Variants in MAD1L1 observed in about 807,000 individuals in gnomAD.
The protein encoded by MAD1L1 is mitotic arrest deficient 1 like 1.
Under a neutral mutation model 96.9 loss-of-function variants are expected in MAD1L1, and 95 were observed. The observed-to-expected ratio is 0.98, with a 90% CI of 0.83 to 1.16. The LOEUF (loss-of-function observed/expected upper bound fraction) is 1.16. Ranked by LOEUF, MAD1L1 falls within the 50% of genes most tolerant of loss-of-function variation. MAD1L1 has a pLI of 0.00. For synonymous variants in MAD1L1, 473 were observed against 396.6 expected (o/e 1.19, Z -2.29); for missense variants, 1,007 against 954.4 (o/e 1.06, Z -0.73).
intron 7 of MAD1L1, among the ~76,000 whole-genome samples, chr7:2,216,696 G>A (rs1033457239): frequency 6.6e-6 from 1 of 152,090 alleles, no homozygotes; most frequent in African/African-American, 2.4e-5. Flanking sequence ...GTGTAGGAGC[G>A]GGCGCAGGGG....
intron 18 of MAD1L1, chr7:1,854,237 G>T: frequency 2.9e-6 from 1 of 348,842 alleles, no homozygotes; most frequent in Non-Finnish European, 5.7e-6. Flanking sequence ...CATGGCCCCG[G>T]TGCCTCGGTG....
rs532785551 is a variant in MAD1L1 at position 2,124,950 on chromosome 7, A to G, written c.1073+24202T>C. ...GCCTTCCAGCCCCAGGGCAGGAGAC[A>G]CCAGTGAGCACGGAGGACACACATG... On this transcript the variant is annotated intron_variant, in intron 11 of 18. Coordinates refer to ENST00000265854, the MANE Select transcript of MAD1L1 (RefSeq NM_001013836.2). Among the ~76,000 whole-genome samples, 402 of 152,274 alleles carry G rather than the reference A, an allele frequency of 2.6e-3. 2 individuals are homozygous for G. Among genetic ancestry groups the G allele is most frequent in the Non-Finnish European group, 1.8e-3 (120 of 68,012 alleles).
At chr7:2,226,904 T>C (rs1793930018) in intron 3 of MAD1L1, among the ~76,000 whole-genome samples, 1 of 151,856 alleles carries the variant, frequency 6.6e-6, no homozygotes, top group African/African-American at 2.4e-5. Flanking sequence ...GGAGAATCGC[T>C]TGAACCCAGG....
intron 14 of MAD1L1, among the ~76,000 whole-genome samples, chr7:1,988,164 A>T (rs1781246072): frequency 6.6e-6 from 1 of 152,230 alleles, no homozygotes; most frequent in Non-Finnish European, 1.5e-5. Flanking sequence ...GGGATCCAGG[A>T]AGAGGGCGCT....
intron 7 of MAD1L1, 130 bp downstream of exon 7, chr7:2,217,820 GCACAGTGCCCAA>G (rs1465893060): frequency 1.3e-5 from 9 of 711,428 alleles, no homozygotes; most frequent in East Asian, 2.5e-5. Context: ...CTGGTGCCCA[GCACAGTGCCCAA>G]CACACAGGGC....
In MAD1L1 at chr7:1,910,107, C is replaced by T. The variant is rs906121717; in HGVS notation, c.1808-11717G>A. Among the ~76,000 whole-genome samples, 3 of 152,214 alleles carry T rather than the reference C, an allele frequency of 2.0e-5. No homozygotes were observed. The South Asian group carries it at 6.2e-4, about 32-fold the overall frequency. ...GGAGAGTCCTGGGGTGACAGGCGGG[C>T]GCGGATATCATATTTGGAGAAGAAT... On this transcript the variant is annotated intron_variant, in intron 17 of 18. Coordinates refer to ENST00000265854, the MANE Select transcript of MAD1L1 (RefSeq NM_001013836.2).
At chr7:2,232,771 C>T (rs1403671322) in intron 1 of MAD1L1, 101 bp downstream of exon 1, 1 of 152,206 alleles carries the variant, frequency 6.6e-6, no homozygotes, top group African/African-American at 2.4e-5. Context: ...GTGCCCCACC[C>T]TGGCGAGCAC....
chr7:2,141,214 G>A (rs1036853208), intron 11 of MAD1L1, among the ~76,000 whole-genome samples: 1 of 152,210 alleles, frequency 6.6e-6, no homozygotes, highest in African/African-American at 2.4e-5. Flanking sequence ...GCCAAAGCCT[G>A]CCTGCATCCT....
chr7:2,072,863 G>A (rs17132135), intron 11 of MAD1L1, among the ~76,000 whole-genome samples: 7,590 of 152,306 alleles, frequency 0.05, 607 homozygotes, highest in African/African-American at 0.17. Context: ...CATCCTGAGT[G>A]AGGGTGCGCT....
intron 10 of MAD1L1, among the ~76,000 whole-genome samples, chr7:2,179,688 G>C (rs1637760): frequency 0.1 from 15,454 of 151,526 alleles, 2,358 homozygotes; most frequent in African/African-American, 0.33. Flanking sequence ...TCCTGTCTTA[G>C]GCCGAGCATG....
At chr7:2,171,164 C>A (rs776267199) in intron 10 of MAD1L1, among the ~76,000 whole-genome samples, 7 of 152,248 alleles carry the variant, frequency 4.6e-5, no homozygotes, top group Non-Finnish European at 7.3e-5. Context: ...TCCTAATAAT[C>A]TGCTGAAGAG....
chr7:1,975,108 AG>A (rs1339428582), intron 15 of MAD1L1, among the ~76,000 whole-genome samples: 2 of 152,218 alleles, frequency 1.3e-5, no homozygotes, highest in African/African-American at 4.8e-5. Flanking sequence ...CTGCCCAGCC[AG>A]GTGGAGGCAG....
chr7:2,211,863 T>C (rs1032496578), intron 10 of MAD1L1, among the ~76,000 whole-genome samples: 4 of 151,748 alleles, frequency 2.6e-5, no homozygotes, highest in Non-Finnish European at 5.9e-5. Flanking sequence ...TTTCAGAGAG[T>C]CTCAGTCTCA....
intron 18 of MAD1L1, among the ~76,000 whole-genome samples, chr7:1,840,864 C>T (rs1161215536): frequency 6.6e-6 from 1 of 152,260 alleles, no homozygotes; most frequent in Non-Finnish European, 1.5e-5. Flanking sequence ...ACTGCACACT[C>T]CCTGCATGCC....
intron 17 of MAD1L1, 89 bp from the exon 18 acceptor site, chr7:1,898,479 G>A (rs896476131): frequency 1.2e-5 from 14 of 1,150,902 alleles, no homozygotes; most frequent in Non-Finnish European, 1.8e-5. Flanking sequence ...AGGAAGCCGA[G>A]TACAGGTGGG....
intron 17 of MAD1L1, among the ~76,000 whole-genome samples, chr7:1,917,692 C>T (rs1434349274): frequency 2.6e-5 from 4 of 152,178 alleles, no homozygotes; most frequent in South Asian, 2.1e-4. Flanking sequence ...GGCTGGGGAC[C>T]GTAGCAAGAG....
chr7:1,855,034 C>T (rs1784173545), intron 18 of MAD1L1, among the ~76,000 whole-genome samples: 1 of 152,216 alleles, frequency 6.6e-6, no homozygotes, highest in Non-Finnish European at 1.5e-5. Flanking sequence ...GGGCTGCGGT[C>T]CCCTCTGAAG....
At chr7:2,048,911 G>C (rs114968292) in intron 12 of MAD1L1, among the ~76,000 whole-genome samples, 2 of 152,204 alleles carry the variant, frequency 1.3e-5, no homozygotes, top group Admixed American at 1.3e-4. Context: ...GCCACTGACC[G>C]CGTCAACCAT....
At position 2,219,582 on chromosome 7, in the gene MAD1L1, A is replaced by C. The variant is rs534831841; in HGVS notation, c.472-126T>G. The C allele has an allele frequency of 7.7e-6, 6 of 783,424 alleles. No individual in the cohort carries two copies. The African/African-American group carries it at 9.1e-5, about 12-fold the overall frequency. The allele number at this position is 783,424 out of a possible 1,614,324, so 48.5% of individuals were successfully genotyped here. A position where few individuals can be genotyped will look rare whatever the true frequency, so the allele number is the denominator to read the frequency against. On this transcript the variant is annotated intron_variant, in intron 5 of 18. Coordinates refer to ENST00000265854, the MANE Select transcript of MAD1L1 (RefSeq NM_001013836.2). ...ACGTGCTATAATCAGGGCAGGAGGC[A>C]GAGGGGCAGAGGAATAAGGGGGCAG...
Sources: gnomAD v4.1 joint callset for allele counts (sites outside exome capture counted in the v4.1 genomes callset) on GRCh38, gnomAD v4.1.1 for gene constraint, MANE v1.5 for transcripts, NCBI Gene and HGNC (gene_info 2026-07-23, HGNC 2026-07-21) for gene names.